The following PDCD6 variants were observed in gnomAD, a reference collection of about 807,000 sequenced individuals.
PDCD6 encodes programmed cell death protein 6.
In PDCD6, 12 loss-of-function variants were observed where a neutral mutation model predicts 28.3. The ratio of observed to expected loss-of-function variants is 0.42; its 90% confidence interval spans 0.27 to 0.69. The LOEUF (loss-of-function observed/expected upper bound fraction) is 0.69. Ranked by LOEUF, PDCD6 falls within the 30% of genes least tolerant of loss-of-function variation. The pLI is 0.22. For synonymous variants in PDCD6, 92 were observed against 108.0 expected (o/e 0.85, Z 0.92); for missense variants, 226 against 269.9 (o/e 0.84, Z 1.14).
intron 2 of PDCD6, among the ~76,000 whole-genome samples, chr5:293,384 T>G (rs371540119): frequency 1.7e-5 from 1 of 58,662 alleles, no homozygotes; most frequent in Non-Finnish European, 3.3e-5. Flanking sequence ...ATGTCAGAGA[T>G]GGAGAAAGGT....
intron 5 of PDCD6, 132 bp downstream of exon 5, chr5:311,534 C>G: frequency 3.1e-6 from 2 of 644,056 alleles, no homozygotes; most frequent in Non-Finnish European, 5.5e-6. Context: ...AAAAGTGAGT[C>G]TCATCTTTGG....
At chr5:299,860 TTTTA>T (rs1739941126) in intron 2 of PDCD6, among the ~76,000 whole-genome samples, 1 of 151,948 alleles carries the variant, frequency 6.6e-6, no homozygotes. Flanking sequence ...GTATTTTTTT[TTTTA>T]TTTTTTTATC....
intron 2 of PDCD6, among the ~76,000 whole-genome samples, chr5:274,478 G>C (rs1350749512): frequency 6.6e-6 from 1 of 152,210 alleles, no homozygotes. Flanking sequence ...GTTACTGGGA[G>C]GGAGTATTGA....
At chr5:284,367 T>G (rs1738787654) in intron 2 of PDCD6, among the ~76,000 whole-genome samples, 1 of 152,100 alleles carries the variant, frequency 6.6e-6, no homozygotes, top group Admixed American at 6.5e-5. Flanking sequence ...GCTGTTCTGG[T>G]TTGAGGGTCG....
intron 3 of PDCD6, 105 bp from the exon 4 acceptor site, chr5:306,497 G>T: frequency 1.8e-6 from 2 of 1,120,188 alleles, no homozygotes; most frequent in Non-Finnish European, 2.7e-6. Flanking sequence ...TTAGTGGTCA[G>T]CAGTGGGGCC....
At chr5:311,168 TC>T in intron 4 of PDCD6, 124 bp from the exon 5 acceptor site, 2 of 728,458 alleles carry the variant, frequency 2.7e-6, no homozygotes, top group Non-Finnish European at 4.9e-6. Context: ...AATTTGCACT[TC>T]CGTTCCCACA....
intron 2 of PDCD6, chr5:290,155 A>G (rs1739231644): frequency 6.3e-7 from 1 of 1,590,194 alleles, no homozygotes; most frequent in African/African-American, 1.3e-5. Context: ...GAAATCATCC[A>G]TCACTTTCTC....
rs1373740863 is a variant in PDCD6, at chr5:305,093, G to A, written c.208+872G>A. The A allele has an allele frequency of 6.6e-6, 1 of 152,534 alleles. No homozygotes were observed. The highest frequency in any genetic ancestry group is 1.5e-5 in the Non-Finnish European group (1 of 68,366). 9.4% of individuals were successfully genotyped at this position (152,534 alleles called of 1,614,324 possible). On this transcript the variant is annotated intron_variant, in intron 3 of 5. Coordinates refer to ENST00000264933, the MANE Select transcript of PDCD6 (RefSeq NM_013232.4). This position sits in a 1 kb window ranked among gnomAD's most constrained non-coding sequence, Gnocchi z 4.0. ...AGCCAGGTGGGAGCTGCAGCTCCAGGGGCAGGCAGGCCTGGGAGGCAGGTG... is the reference window on the plus strand; with the variant it reads ...AGCCAGGTGGGAGCTGCAGCTCCAGAGGCAGGCAGGCCTGGGAGGCAGGTG...
At chr5:274,942 A>T (rs1423365181) in intron 2 of PDCD6, among the ~76,000 whole-genome samples, 1 of 152,186 alleles carries the variant, frequency 6.6e-6, no homozygotes, top group Non-Finnish European at 1.5e-5. Context: ...TGAGTCCACC[A>T]TTCCTGAGAT....
At chr5:292,056 A>C (rs545025424) in intron 2 of PDCD6, among the ~76,000 whole-genome samples, 1 of 152,024 alleles carries the variant, frequency 6.6e-6, no homozygotes, top group South Asian at 2.1e-4. Context: ...ATTCTCCCCA[A>C]CACTGGCATG....
At chr5:274,750 A>T (rs1190409417) in intron 2 of PDCD6, among the ~76,000 whole-genome samples, 2 of 152,042 alleles carry the variant, frequency 1.3e-5, no homozygotes, top group African/African-American at 4.8e-5. Context: ...TCCTGCTCTG[A>T]CTTGTGTGTT....
Position 305,640 on chromosome 5 carries a change from G to A in PDCD6, c.209-962G>A, listed in dbSNP as rs924025455. 3.9e-5 allele frequency: 6 copies of A among 152,216 alleles called. No individual in the cohort carries two copies. Among genetic ancestry groups the A allele is most frequent in the South Asian group, 2.1e-4 (1 of 4,826 alleles). 9.4% of individuals were successfully genotyped at this position (152,216 alleles called of 1,614,324 possible). On this transcript the variant is annotated intron_variant, in intron 3 of 5. Coordinates refer to ENST00000264933, the MANE Select transcript of PDCD6 (RefSeq NM_013232.4). The surrounding 1 kb of genome is among the most constrained non-coding windows in gnomAD (Gnocchi z 4.0). ...ATCCTTCCCTGCTGGTGTGTGGTGC[G>A]CAGTGGGTCCTGCACGCAACAGCAT...
intron 2 of PDCD6, among the ~76,000 whole-genome samples, chr5:285,884 G>C (rs1738922611): frequency 6.6e-6 from 1 of 151,500 alleles, no homozygotes; most frequent in Admixed American, 6.6e-5. Context: ...GTTTAAGGCT[G>C]TGCAGCTGGA....
intron 2 of PDCD6, among the ~76,000 whole-genome samples, chr5:299,380 A>G (rs1198238322): frequency 2.0e-5 from 3 of 148,848 alleles, no homozygotes; most frequent in Non-Finnish European, 3.0e-5. Context: ...TGGCGAGACC[A>G]TGCTGGAACC....
At chr5:289,175 G>C in intron 2 of PDCD6, 2 of 940,022 alleles carry the variant, frequency 2.1e-6, no homozygotes, top group Non-Finnish European at 3.2e-6. Flanking sequence ...AGCAAATGTT[G>C]TTGTACTTAA....
At position 307,243 on chromosome 5, in the gene PDCD6, GCGTGTGTGTGCTCGGCGTGTGTGTGCACA is replaced by G. The variant is rs1408699011; in HGVS notation, c.367+490_367+518del. 0.011 allele frequency among the ~76,000 whole-genome samples: 1,418 copies of G among 130,504 alleles called. 39 individuals are homozygous for G. The highest frequency in any genetic ancestry group is 0.027 in the African/African-American group (839 of 31,208). The allele number at this position is 130,504 out of a possible 152,430, so 85.6% of individuals were successfully genotyped here. On this transcript the variant is annotated intron_variant, in intron 4 of 5. Transcript: ENST00000264933. This position sits in a 1 kb window ranked among gnomAD's most constrained non-coding sequence, Gnocchi z 6.1. ...GGTGTGCTCGGCGTGTGTGTGCTCG[GCGTGTGTGTGCTCGGCGTGTGTGTGCACA>G]CGTGTGCCGTGCGCCTCAGAAGGGG...
At chr5:298,565 C>T (rs1219917144) in intron 2 of PDCD6, among the ~76,000 whole-genome samples, 6 of 151,494 alleles carry the variant, frequency 4.0e-5, no homozygotes, top group South Asian at 2.1e-4. Flanking sequence ...CTCCCGGCCT[C>T]GCTGCTCTCA....
At chr5:297,543 T>C (rs1313486392) in intron 2 of PDCD6, among the ~76,000 whole-genome samples, 1 of 152,232 alleles carries the variant, frequency 6.6e-6, no homozygotes, top group Non-Finnish European at 1.5e-5. Flanking sequence ...GTGTGCACTT[T>C]GGTGAGACTT....
chr5:281,495 G>T (rs1738559838), intron 2 of PDCD6, among the ~76,000 whole-genome samples: 1 of 152,242 alleles, frequency 6.6e-6, no homozygotes, highest in Non-Finnish European at 1.5e-5. Context: ...TGTTCTGTGA[G>T]GGTCGTGGAG....
Sources: gnomAD v4.1 joint callset for allele counts (sites outside exome capture counted in the v4.1 genomes callset) on GRCh38, gnomAD v4.1.1 for gene constraint, Gnocchi (gnomAD v3.1) non-coding constraint, MANE v1.5 for transcripts, NCBI Gene and HGNC (gene_info 2026-07-23, HGNC 2026-07-21) for gene names.